The following TRAK1 variants were observed in gnomAD, a reference collection of about 807,000 sequenced individuals.
TRAK1 encodes trafficking kinesin protein 1, also known as trafficking kinesin-binding protein 1.
In TRAK1, 33 loss-of-function variants were observed where a neutral mutation model predicts 92.1. The observed-to-expected ratio is 0.36, with a 90% CI of 0.27 to 0.48. The LOEUF (loss-of-function observed/expected upper bound fraction) is 0.48. Among genes scored for constraint, TRAK1 ranks in the 20% least tolerant of loss-of-function variants. The pLI is 0.99. For synonymous variants in TRAK1, 521 were observed against 517.3 expected (o/e 1.01, Z -0.10); for missense variants, 1,123 against 1,257.9 (o/e 0.89, Z 1.62).
rs1055558191 is a variant in TRAK1, at chr3:42,202,582, A to G, written c.1574A>G (p.Gln525Arg). The G allele has an allele frequency of 5.0e-6, 8 of 1,590,130 alleles. No homozygotes were observed. Among genetic ancestry groups the G allele is most frequent in the Middle Eastern group, 1.7e-4 (1 of 6,012 alleles). ...FFEEEQERKL[Q>R]ELAEKGELRS... ...GAGGAGGAGCAAGAGAGGAAGCTCCAGGAGCTGGCGGAGAAGGGCGAGCTG... is the reference window on the plus strand; with the variant it reads ...GAGGAGGAGCAAGAGAGGAAGCTCCGGGAGCTGGCGGAGAAGGGCGAGCTG... The change falls in exon 13 of 16, where the codon CAG (glutamine) becomes CGG (arginine). Residue 525 changes from glutamine (Q) to arginine (R), a missense_variant. Transcript: ENST00000327628. This position sits in a 1 kb window ranked among gnomAD's most constrained non-coding sequence, Gnocchi z 6.1.
intron 2 of TRAK1, chr3:42,151,211 A>G (rs1012092052): frequency 7.9e-6 from 3 of 378,842 alleles, no homozygotes; most frequent in Non-Finnish European, 1.5e-5. Flanking sequence ...CATGACCCAA[A>G]TGCCACACCA....
At chr3:42,028,144 C>A (rs2148888424) in intron 1 of TRAK1, among the ~76,000 whole-genome samples, 1 of 152,342 alleles carries the variant, frequency 6.6e-6, no homozygotes, top group Non-Finnish European at 1.5e-5. Context: ...AGCCACCACC[C>A]CCGGCCACAG....
intron 1 of TRAK1, among the ~76,000 whole-genome samples, chr3:42,020,115 T>C (rs1483762837): frequency 1.3e-5 from 2 of 152,182 alleles, no homozygotes; most frequent in Non-Finnish European, 2.9e-5. Context: ...AAGAGGACAA[T>C]GCTCACGAGA....
intron 2 of TRAK1, among the ~76,000 whole-genome samples, chr3:42,135,166 T>TA (rs1421334798): frequency 6.6e-6 from 1 of 152,196 alleles, no homozygotes; most frequent in African/African-American, 2.4e-5. Flanking sequence ...AACCCGCCCT[T>TA]ACCTTACCTA....
chr3:42,193,362 T>C (rs574481849), intron 8 of TRAK1, among the ~76,000 whole-genome samples, 157 bp downstream of exon 8: 17 of 152,360 alleles, frequency 1.1e-4, no homozygotes, highest in Admixed American at 4.6e-4. Context: ...AGTATAAAAC[T>C]GATTACCTGA....
chr3:42,151,328 T>C (rs777204316), intron 2 of TRAK1: 4 of 456,640 alleles, frequency 8.8e-6, no homozygotes, highest in South Asian at 6.2e-5. Flanking sequence ...AGGATTTTCT[T>C]ACCCAGCACT....
intron 6 of TRAK1, among the ~76,000 whole-genome samples, chr3:42,189,378 C>G (rs938562823): frequency 3.3e-5 from 5 of 152,192 alleles, no homozygotes; most frequent in Non-Finnish European, 7.3e-5. Context: ...GAGGGCCCCT[C>G]CTTCACAGTC....
chr3:42,164,165 T>G (rs899884436), intron 2 of TRAK1, among the ~76,000 whole-genome samples: 31 of 152,178 alleles, frequency 2.0e-4, no homozygotes, highest in African/African-American at 6.5e-4. Flanking sequence ...GCCAGTCCCA[T>G]GTGGAGCAGA....
intron 1 of TRAK1, among the ~76,000 whole-genome samples, chr3:42,057,934 A>G (rs1274701519): frequency 6.6e-6 from 1 of 152,240 alleles, no homozygotes; most frequent in Non-Finnish European, 1.5e-5. Context: ...TTCATTTTAA[A>G]TGCCTGTAAA....
chr3:42,113,376 C>G (rs916558645), intron 1 of TRAK1, among the ~76,000 whole-genome samples: 1 of 87,134 alleles, frequency 1.1e-5, no homozygotes, highest in South Asian at 5.8e-4. Flanking sequence ...ACGCCTACCC[C>G]TACCCCTACC....
At chr3:42,128,227 G>A (rs753945529) in intron 2 of TRAK1, among the ~76,000 whole-genome samples, 1 of 152,196 alleles carries the variant, frequency 6.6e-6, no homozygotes, top group Non-Finnish European at 1.5e-5. Context: ...GACTTGAACA[G>A]AGAGTGAGTG....
intron 1 of TRAK1, 41 bp from the exon 2 acceptor site, chr3:42,125,379 G>T (rs376961134): frequency 4.4e-6 from 7 of 1,593,222 alleles, no homozygotes; most frequent in Non-Finnish European, 5.1e-6. Flanking sequence ...CAAGGCCATA[G>T]CCATTTCTGG....
chr3:42,185,673 C>CTTTT (rs11376284), intron 4 of TRAK1, among the ~76,000 whole-genome samples: 2 of 136,618 alleles, frequency 1.5e-5, no homozygotes, highest in African/African-American at 2.7e-5. Context: ...TTATTCCTTT[C>CTTTT]TTTTTTTTTT....
At chr3:42,105,378 G>A (rs576475143) in intron 1 of TRAK1, among the ~76,000 whole-genome samples, 1 of 152,326 alleles carries the variant, frequency 6.6e-6, no homozygotes, top group South Asian at 2.1e-4. Context: ...GCATGCACAA[G>A]CTTCAGTAGC....
At chr3:42,084,823 C>A (rs568241438), upstream of TRAK1, among the ~76,000 whole-genome samples, 5 of 150,854 alleles carry the variant, frequency 3.3e-5, no homozygotes, top group Non-Finnish European at 7.4e-5. Flanking sequence ...TTCCTTATGC[C>A]AATCCAGTTT....
intron 1 of TRAK1, among the ~76,000 whole-genome samples, chr3:42,074,869 C>A (rs1031519897): frequency 6.6e-6 from 1 of 152,138 alleles, no homozygotes; most frequent in Non-Finnish European, 1.5e-5. Flanking sequence ...TTCAAGTAGG[C>A]CCCATCGTCT....
chr3:42,077,015 G>A (rs771343330), intron 1 of TRAK1, among the ~76,000 whole-genome samples: 27 of 152,184 alleles, frequency 1.8e-4, no homozygotes, highest in Non-Finnish European at 8.8e-5. Context: ...CCAGTACCAT[G>A]CTGTTTCAGT....
chr3:42,064,370 T>TAA (rs200782162), intron 1 of TRAK1, among the ~76,000 whole-genome samples: 65,070 of 149,034 alleles, frequency 0.44, 14,553 homozygotes, highest in South Asian at 0.66. Context: ...GGATACAAAT[T>TAA]AAAAAAAAAA....
In TRAK1 at chr3:42,223,559, C is replaced by T; in HGVS notation, c.2684C>T (p.Pro895Leu). 6.2e-7 allele frequency: 1 copy of T among 1,613,858 alleles called. No individual in the cohort carries two copies. The highest frequency in any genetic ancestry group is 8.5e-7 in the Non-Finnish European group (1 of 1,179,978). ...VPRGLVPEGL[P>L]LRCPTVTSAI... ...AGAGGCCTGGTACCTGAGGGCCTGC[C>T]CCTCAGATGCCCCACTGTCACCAGT... The change falls in exon 16 of 16, where the codon CCC becomes CTC. Residue 895 changes from proline to leucine, a missense_variant. Physicochemically the swap from Pro to Leu is moderately conservative, Grantham distance 98 (BLOSUM62 -3). This residue lies in a region of TRAK1 where 401 missense variants were observed against 438.9 expected (regional missense o/e 0.91). Coordinates refer to ENST00000327628, the MANE Select transcript of TRAK1 (RefSeq NM_001042646.3). The surrounding 1 kb of genome is among the most constrained non-coding windows in gnomAD (Gnocchi z 6.1).
Sources: allele counts gnomAD v4.1 joint callset (sites outside exome capture counted in the v4.1 genomes callset), GRCh38; gene constraint gnomAD v4.1.1; regional missense constraint gnomAD v4.1.1; non-coding constraint Gnocchi (gnomAD v3.1); transcripts MANE v1.5; gene names NCBI Gene and HGNC (gene_info 2026-07-23, HGNC 2026-07-21).